The following SCN2A variants were observed in gnomAD, a reference collection of about 807,000 sequenced individuals.
SCN2A encodes the protein sodium channel protein type 2 subunit alpha.
A neutral mutation model predicts 188.7 loss-of-function variants in SCN2A; 20 were observed. The ratio of observed to expected loss-of-function variants is 0.11; its 90% CI spans 0.07 to 0.15. The LOEUF is 0.15. Among genes scored for constraint, SCN2A ranks in the 10% least tolerant of loss-of-function variants. SCN2A has a pLI of 1.00. For missense variants in SCN2A, 1,278 were observed against 2,445.0 expected (o/e 0.52, Z 10.07); for synonymous variants, 804 against 833.1 (o/e 0.97, Z 0.60).
At chr2:165,326,818 A>G (rs760400086) in intron 12 of SCN2A, 34 bp from the exon 13 acceptor site, 3 of 1,613,280 alleles carry the variant, frequency 1.9e-6, no homozygotes, top group East Asian at 4.5e-5. Flanking sequence ...GCTTTCAAAA[A>G]TAGTGGTTAT....
chr2:165,279,023 G>A (rs925771406), intron 1 of SCN2A, among the ~76,000 whole-genome samples: 1 of 152,056 alleles, frequency 6.6e-6, no homozygotes, highest in Non-Finnish European at 1.5e-5. Flanking sequence ...AGCAGGGAAG[G>A]AAGCATTCTT....
intron 1 of SCN2A, among the ~76,000 whole-genome samples, chr2:165,249,282 T>C (rs1243286326): frequency 6.6e-6 from 1 of 152,148 alleles, no homozygotes; most frequent in Non-Finnish European, 1.5e-5. Flanking sequence ...TGCTGTGTCC[T>C]GAGCTTTCGC....
At chr2:165,365,061 G>A in intron 17 of SCN2A, 82 bp from the exon 18 acceptor site, 2 of 1,025,984 alleles carry the variant, frequency 1.9e-6, no homozygotes, top group Non-Finnish European at 2.7e-6. Flanking sequence ...ACAGAAGATG[G>A]GGGGGGGGCA....
rs79050287 is a variant in SCN2A, at chr2:165,258,432, G to A, written c.-52+18792G>A. Reference sequence around the variant, plus strand: ...TTATTAAACAGGAAGTCCTTTGTCCGTTGCTTGCTGGAGAGATTGCAGAGA... The same window carrying A: ...TTATTAAACAGGAAGTCCTTTGTCCATTGCTTGCTGGAGAGATTGCAGAGA... On this transcript the variant is annotated intron_variant, in intron 1 of 26. Transcript: ENST00000375437. Among the ~76,000 whole-genome samples, 1,501 of 152,218 alleles carry A rather than the reference G, an allele frequency of 9.9e-3. 26 individuals carry two copies. The highest frequency in any genetic ancestry group is 0.063 in the East Asian group (324 of 5,174).
chr2:165,327,523 A>T (rs1276499965), intron 13 of SCN2A: 1 of 166,910 alleles, frequency 6.0e-6, no homozygotes, highest in South Asian at 1.5e-4. Flanking sequence ...TGAATAGTTA[A>T]CATAATGTGT....
Position 165,344,850 on chromosome 2 carries a change from T to C in SCN2A, c.2858T>C (p.Val953Ala), listed in dbSNP as rs1294255501. 1 of 1,613,984 alleles carries C rather than the reference T, an allele frequency of 6.2e-7. No individual in the cohort carries two copies. The highest frequency in any genetic ancestry group is 8.5e-7 in the Non-Finnish European group (1 of 1,180,034). The change falls in exon 16 of 27, where the codon GTC becomes GCC. Residue 953 changes from valine to alanine, a missense_variant. Val to Ala is a moderately conservative substitution (Grantham distance 64). Around this residue, in one of 17 missense-constraint regions of SCN2A, gnomAD observed 83 missense variants for 256.8 expected, o/e 0.32. Coordinates refer to ENST00000375437, the MANE Select transcript of SCN2A (RefSeq NM_001040142.2). ...WIETMWDCME[V>A]AGQTMCLTVF... is the part of the protein sequence containing the mutation. Reference sequence around the variant, plus strand: ...GAGACCATGTGGGACTGTATGGAGGTCGCTGGCCAAACCATGTGCCTTACT... The same window carrying C: ...GAGACCATGTGGGACTGTATGGAGGCCGCTGGCCAAACCATGTGCCTTACT...
intron 3 of SCN2A, among the ~76,000 whole-genome samples, chr2:165,306,031 G>A (rs748345265): frequency 1.3e-5 from 2 of 152,110 alleles, no homozygotes; most frequent in Admixed American, 6.5e-5. Flanking sequence ...CCAGAATACC[G>A]GTGGAGGGAT....
At chr2:165,388,501 G>A in intron 26 of SCN2A, 128 bp from the exon 27 acceptor site, 1 of 1,280,086 alleles carries the variant, frequency 7.8e-7, no homozygotes, top group Non-Finnish European at 1.1e-6. Flanking sequence ...AAACATTGCA[G>A]ATTATTTGCA....
intron 1 of SCN2A, among the ~76,000 whole-genome samples, chr2:165,276,010 G>A (rs1447161301): frequency 6.6e-6 from 1 of 152,150 alleles, no homozygotes; most frequent in African/African-American, 2.4e-5. Context: ...TGGGATGGCA[G>A]GCATGAGCCA....
chr2:165,294,914 T>C (rs564064562), intron 1 of SCN2A, among the ~76,000 whole-genome samples: 2 of 152,352 alleles, frequency 1.3e-5, no homozygotes, highest in African/African-American at 4.8e-5. Context: ...AATTCTGATA[T>C]GGACACTAAG....
intron 1 of SCN2A, chr2:165,267,924 G>A (rs948429838): frequency 3.9e-5 from 6 of 151,926 alleles, no homozygotes; most frequent in African/African-American, 1.4e-4. Flanking sequence ...CATTAAAAAT[G>A]GCTACTATCA....
chr2:165,307,754 C>A (rs1697215007), intron 3 of SCN2A, 94 bp from the exon 4 acceptor site: 1 of 845,176 alleles, frequency 1.2e-6, no homozygotes, highest in Admixed American at 1.7e-5. Flanking sequence ...TAATAGTAAG[C>A]ACTAAAGTTT....
intron 20 of SCN2A, 54 bp downstream of exon 20, chr2:165,370,353 A>G (rs1485963830): frequency 1.9e-6 from 3 of 1,567,182 alleles, no homozygotes; most frequent in Non-Finnish European, 2.6e-6. Context: ...TAATAGTTCT[A>G]GCAATGGTGC....
intron 24 of SCN2A, 149 bp downstream of exon 24, chr2:165,380,878 C>A: frequency 1.3e-6 from 1 of 747,106 alleles, no homozygotes; most frequent in Non-Finnish European, 2.2e-6. Flanking sequence ...AGCTTTTAAG[C>A]AATTAATAAT....
At chr2:165,257,597 G>C (rs907717479) in intron 1 of SCN2A, among the ~76,000 whole-genome samples, 13 of 151,946 alleles carry the variant, frequency 8.6e-5, no homozygotes, top group Admixed American at 8.5e-4. Flanking sequence ...GGAGTGCAGC[G>C]GCGCGATCTT....
intron 16 of SCN2A, among the ~76,000 whole-genome samples, chr2:165,345,890 G>C (rs1699559904): frequency 1.3e-5 from 2 of 152,116 alleles, no homozygotes; most frequent in Admixed American, 1.3e-4. Flanking sequence ...AGGAGCTCTT[G>C]TAAGTCAGGC....
chr2:165,340,292 C>A (rs1165800461), intron 14 of SCN2A, among the ~76,000 whole-genome samples: 2 of 148,458 alleles, frequency 1.3e-5, no homozygotes, highest in Admixed American at 6.9e-5. Flanking sequence ...AAATTTCAAA[C>A]AATGGAGACC....
chr2:165,323,287 T>G lies in SCN2A; in HGVS notation c.1803T>G (p.Phe601Leu). Residue 601 changes from phenylalanine (F) to leucine (L), a missense_variant, in exon 12 of 27, where the codon TTT (phenylalanine) becomes TTG (leucine). Phe to Leu is a conservative substitution (Grantham distance 22). Around this residue, in one of 17 missense-constraint regions of SCN2A, gnomAD observed 315 missense variants for 386.6 expected, o/e 0.81. Coordinates refer to ENST00000375437, the MANE Select transcript of SCN2A (RefSeq NM_001040142.2). ...NDFADDEHST[F>L]EDNDSRRDSL... The stretch of plus-strand genomic sequence containing the variant: ...TTGCTGATGATGAGCACAGCACCTT[T>G]GAGGACAATGACAGCCGAAGAGACT... The G allele has an allele frequency of 1.2e-6, 2 of 1,614,116 alleles. No individual in the cohort carries two copies. The highest frequency in any genetic ancestry group is 1.7e-6 in the Non-Finnish European group (2 of 1,180,036).
Position 165,323,200 on chromosome 2 carries a change from C to T in SCN2A, c.1716C>T (p.Asn572=). 6.2e-7 allele frequency: 1 copy of T among 1,614,210 alleles called. No individual in the cohort carries two copies. The highest frequency in any genetic ancestry group is 1.1e-5 in the South Asian group (1 of 91,080). Residue 572 remains asparagine, a synonymous_variant, in exon 12 of 27, where the codon AAC becomes AAT. Coordinates refer to ENST00000375437, the MANE Select transcript of SCN2A (RefSeq NM_001040142.2). ...IRGSLFSPRR[N]SRASLFSFRG... is the part of the protein sequence containing the mutation. ...GCTCCCTTTTCTCTCCAAGACGCAACAGTAGGGCGAGCCTTTTCAGCTTCA... is the reference window on the plus strand; with the variant it reads ...GCTCCCTTTTCTCTCCAAGACGCAATAGTAGGGCGAGCCTTTTCAGCTTCA...
Sources: allele counts gnomAD v4.1 joint callset (sites outside exome capture counted in the v4.1 genomes callset), GRCh38; gene constraint gnomAD v4.1.1; regional missense constraint gnomAD v4.1.1; transcripts MANE v1.5; gene names NCBI Gene and HGNC (gene_info 2026-07-23, HGNC 2026-07-21).